Variants in ITGA1 observed in about 807,000 individuals in gnomAD.
The protein encoded by ITGA1 is integrin subunit alpha 1, also known as integrin alpha-1.
Under a neutral mutation model 145.9 loss-of-function variants are expected in ITGA1, and 85 were observed. The observed-to-expected ratio is 0.58, with a 90% CI of 0.49 to 0.70. The LOEUF is 0.70. ITGA1 is among the 30% of genes least tolerant of loss of function. The pLI is 0.00. For synonymous variants in ITGA1, 520 were observed against 495.3 expected (o/e 1.05, Z -0.66); for missense variants, 1,351 against 1,418.7 (o/e 0.95, Z 0.77).
At chr5:52,798,570 G>T (rs1748391357) in intron 1 of ITGA1, among the ~76,000 whole-genome samples, 1 of 152,138 alleles carries the variant, frequency 6.6e-6, no homozygotes, top group South Asian at 2.1e-4. Context: ...CAAATTTAAA[G>T]GGGAAAGGGT....
At chr5:52,919,303 AC>A (rs1650037049) in intron 16 of ITGA1, among the ~76,000 whole-genome samples, 1 of 152,050 alleles carries the variant, frequency 6.6e-6, no homozygotes, top group East Asian at 1.9e-4. Context: ...CTTGGGAAAG[AC>A]TGATATTGCA....
intron 27 of ITGA1, among the ~76,000 whole-genome samples, 197 bp from the exon 28 acceptor site, chr5:52,947,148 T>G: frequency 6.6e-6 from 1 of 152,100 alleles, no homozygotes; most frequent in East Asian, 1.9e-4. Flanking sequence ...TATAAATACC[T>G]TTTGGTAATA....
intron 14 of ITGA1, among the ~76,000 whole-genome samples, chr5:52,914,236 A>C (rs1387511710): frequency 6.6e-6 from 1 of 152,212 alleles, no homozygotes; most frequent in Non-Finnish European, 1.5e-5. Context: ...AGATGTGCTT[A>C]CTCATTTCCA....
chr5:52,910,450 T>A, intron 14 of ITGA1, 31 bp downstream of exon 14: 1 of 1,598,304 alleles, frequency 6.3e-7, no homozygotes, highest in African/African-American at 1.3e-5. Context: ...ATTCCCACCC[T>A]TCAGTGATAA....
At chr5:52,926,179 G>A (rs1260707367) in intron 19 of ITGA1, among the ~76,000 whole-genome samples, 1 of 152,032 alleles carries the variant, frequency 6.6e-6, no homozygotes, top group Non-Finnish European at 1.5e-5. Context: ...AAACACTATT[G>A]TCTACTTTCT....
intron 1 of ITGA1, among the ~76,000 whole-genome samples, chr5:52,827,363 A>G (rs1403098912): frequency 6.6e-6 from 1 of 152,188 alleles, no homozygotes; most frequent in African/African-American, 2.4e-5. Flanking sequence ...TCTTGAGATG[A>G]AATCAATTCC....
rs1322014329 is a variant in ITGA1, at chr5:52,954,541, T to A, written c.*2090T>A. 1 of 152,284 alleles carries A rather than the reference T, an allele frequency of 6.6e-6. No homozygotes were observed. Among genetic ancestry groups the A allele is most frequent in the South Asian group, 2.1e-4 (1 of 4,828 alleles). The allele number at this position is 152,284 out of a possible 1,614,324, so 9.4% of individuals were successfully genotyped here. ...TATAAGCCCGGCACAATTTTTAACA[T>A]AAGTCATTCCTGGCTATTAAGTAAA... On this transcript the variant is annotated 3_prime_UTR_variant, in exon 29 of 29. Transcript: ENST00000282588.
rs187230635 is a variant in ITGA1, at chr5:52,942,418, C to T, written c.3285+2474C>T. ...GAAAGGTTTTTTCTTTTATTTGTCT[C>T]ATCTCTGATTTCTTTCAGCAGTGTT... On this transcript the variant is annotated intron_variant, in intron 26 of 28. Transcript: ENST00000282588. Among the ~76,000 whole-genome samples, 388 of 152,150 alleles carry T rather than the reference C, an allele frequency of 2.6e-3. 2 individuals are homozygous for T. The highest frequency in any genetic ancestry group is 4.6e-3 in the Non-Finnish European group (313 of 67,998).
At position 52,953,355 on chromosome 5, in the gene ITGA1, AG is replaced by A. The variant is rs1219171211; in HGVS notation, c.*905del. ...AATGCTGAAATTATCTTTGCTGAGC[AG>A]CTTTTGAATGCTAAGGGTTCCAGTA... is the stretch of plus-strand genomic sequence containing the variant. On this transcript the variant is annotated 3_prime_UTR_variant, in exon 29 of 29. Coordinates refer to ENST00000282588, the MANE Select transcript of ITGA1 (RefSeq NM_181501.2). The A allele has an allele frequency of 4.6e-5, 7 of 152,220 alleles. No homozygotes were observed. The highest frequency in any genetic ancestry group is 1.7e-4 in the African/African-American group (7 of 41,452). The allele number at this position is 152,220 out of a possible 1,614,324, so 9.4% of individuals were successfully genotyped here.
chr5:52,790,402 A>C (rs1340705433), intron 1 of ITGA1, among the ~76,000 whole-genome samples: 1 of 152,188 alleles, frequency 6.6e-6, no homozygotes, highest in Non-Finnish European at 1.5e-5. Context: ...CACCAGCTTA[A>C]AACAACATAA....
intron 1 of ITGA1, among the ~76,000 whole-genome samples, chr5:52,818,207 A>G (rs1748807722): frequency 6.6e-6 from 1 of 152,112 alleles, no homozygotes; most frequent in Admixed American, 6.6e-5. Context: ...ACATACATCT[A>G]TTCTTTTAGC....
chr5:52,925,161 C>A (rs1462687250), intron 18 of ITGA1, 117 bp from the exon 19 acceptor site: 2 of 698,114 alleles, frequency 2.9e-6, no homozygotes, highest in Admixed American at 4.6e-5. Flanking sequence ...GGGAAATTCT[C>A]CTTATGAGTT....
intron 17 of ITGA1, among the ~76,000 whole-genome samples, chr5:52,921,468 C>A (rs886074391): frequency 3.9e-5 from 6 of 152,018 alleles, no homozygotes; most frequent in Admixed American, 3.3e-4. Context: ...CTGTCAGGAC[C>A]AAGATCAATC....
At chr5:52,882,633 T>C (rs1160459168) in intron 7 of ITGA1, among the ~76,000 whole-genome samples, 3 of 152,178 alleles carry the variant, frequency 2.0e-5, no homozygotes, top group Non-Finnish European at 4.4e-5. Context: ...ATCTGCAGTT[T>C]TCCTTATGGT....
intron 13 of ITGA1, among the ~76,000 whole-genome samples, chr5:52,909,450 C>T (rs1750464500): frequency 6.6e-6 from 1 of 152,122 alleles, no homozygotes; most frequent in Non-Finnish European, 1.5e-5. Context: ...CTGCAGGCTT[C>T]CAGGAAATAC....
At chr5:52,835,187 A>T (rs980376098) in intron 1 of ITGA1, among the ~76,000 whole-genome samples, 10 of 152,178 alleles carry the variant, frequency 6.6e-5, no homozygotes, top group Admixed American at 6.6e-4. Flanking sequence ...AAAAACGGAT[A>T]TTAAGAGCTA....
At position 52,857,472 on chromosome 5, in the gene ITGA1, G is replaced by GA. The variant is rs550045745; in HGVS notation, c.183-3965dup. On this transcript the variant is annotated intron_variant, in intron 2 of 28. Transcript: ENST00000282588. ...GCCCTTAATGGTTTGTCATTGCCCT[G>GA]AAAAAAAAAAGCCACATTTATTAAC... Among the ~76,000 whole-genome samples the GA allele has an allele frequency of 4.9e-4, 71 of 145,168 alleles. No homozygotes were observed. In the South Asian group the frequency reaches 9.1e-3, roughly 19 times the overall value.
Position 52,890,257 on chromosome 5 carries a change from C to G in ITGA1, c.924+2292C>G, listed in dbSNP as rs186421420. Among the ~76,000 whole-genome samples, 43 of 152,022 alleles carry G rather than the reference C, an allele frequency of 2.8e-4. No homozygotes were observed. The East Asian group carries it at 7.5e-3, about 27-fold the overall frequency. Reference sequence around the variant, plus strand: ...TAATATTTAGGCACCCATACATATCCAAAAAAATAAATTTTAAGAATATTT... The same window carrying G: ...TAATATTTAGGCACCCATACATATCGAAAAAAATAAATTTTAAGAATATTT... On this transcript the variant is annotated intron_variant, in intron 8 of 28. Coordinates refer to ENST00000282588, the MANE Select transcript of ITGA1 (RefSeq NM_181501.2).
intron 14 of ITGA1, among the ~76,000 whole-genome samples, chr5:52,911,615 T>C (rs1157783602): frequency 1.1e-5 from 1 of 93,890 alleles, no homozygotes; most frequent in Non-Finnish European, 2.2e-5. Context: ...ATATATATAG[T>C]GTATCTACTA....
Sources: gnomAD v4.1 joint callset for allele counts (sites outside exome capture counted in the v4.1 genomes callset) on GRCh38, gnomAD v4.1.1 for gene constraint, MANE v1.5 for transcripts, NCBI Gene and HGNC (gene_info 2026-07-23, HGNC 2026-07-21) for gene names.